NSMAF: variants seen among roughly 807,000 people sequenced by gnomAD.
The protein encoded by NSMAF is neutral sphingomyelinase activation associated factor.
NSMAF carries 90 observed loss-of-function variants against 134.9 expected under a neutral mutation model. That is an observed-to-expected ratio of 0.67 (90% confidence interval 0.56 to 0.79). The LOEUF is 0.79. NSMAF is among the 30% of genes least tolerant of loss of function. The pLI, the probability that NSMAF is intolerant of heterozygous loss-of-function variation, is 0.00. For synonymous variants in NSMAF, 358 were observed against 389.6 expected (o/e 0.92, Z 0.96); for missense variants, 1,010 against 1,119.0 (o/e 0.90, Z 1.39).
intron 1 of NSMAF, 77 bp downstream of exon 1, chr8:58,659,496 T>C: frequency 6.7e-7 from 1 of 1,492,246 alleles, no homozygotes; most frequent in Non-Finnish European, 8.9e-7. Context: ...CTCCCGTCCC[T>C]CAGATCTCCG....
chr8:58,620,561 T>A (rs1171445384), intron 9 of NSMAF, among the ~76,000 whole-genome samples: 1 of 152,204 alleles, frequency 6.6e-6, no homozygotes, highest in African/African-American at 2.4e-5. Flanking sequence ...CACTTTCTCT[T>A]GGCAATATGA....
chr8:58,587,420 T>A (rs1472153184), intron 27 of NSMAF, among the ~76,000 whole-genome samples, 198 bp downstream of exon 27: 5 of 152,138 alleles, frequency 3.3e-5, no homozygotes, highest in African/African-American at 4.8e-5. Flanking sequence ...AAGAAGTAAC[T>A]TGGAGAAAAA....
rs570638402 is a variant in NSMAF at position 58,588,797 on chromosome 8, A to G, written c.2211+655T>C. ...GCACGGACCGGAGAGAGCTAACTTG[A>G]CATTTTCTAATTAACTATAATCAAC... is the stretch of plus-strand genomic sequence containing the variant. On this transcript the variant is annotated intron_variant, in intron 26 of 30. Transcript: ENST00000038176. 6 of 945,446 alleles carry G rather than the reference A, an allele frequency of 6.3e-6. No homozygotes were observed. The East Asian group carries it at 7.1e-5, about 11-fold the overall frequency. 58.6% of individuals were successfully genotyped at this position (945,446 alleles called of 1,614,324 possible).
intron 11 of NSMAF, among the ~76,000 whole-genome samples, chr8:58,606,250 G>C (rs548246896): frequency 6.6e-6 from 1 of 151,960 alleles, no homozygotes; most frequent in South Asian, 2.1e-4. Flanking sequence ...AATGTTTTGA[G>C]AACAAGATAG....
Position 58,587,666 on chromosome 8 carries a change from G to T in NSMAF, c.2247C>A (p.Thr749=). 1 of 1,614,134 alleles carries T rather than the reference G, an allele frequency of 6.2e-7. No individual in the cohort carries two copies. The highest frequency in any genetic ancestry group is 1.1e-5 in the South Asian group (1 of 91,084). ...CCAGCAAGTCAAAGTGGTGTCTTTT[G>T]GTGCCTGGCATCTCTGCAGGAACAC... The part of the protein sequence containing the change: ...WSGVPAEMPG[T]KRHHFDLLAE... The change falls in exon 27 of 31, where the codon ACC becomes ACA. Residue 749 remains threonine, a synonymous_variant. Coordinates refer to ENST00000038176, the MANE Select transcript of NSMAF (RefSeq NM_003580.4).
intron 26 of NSMAF, 127 bp from the exon 27 acceptor site, chr8:58,587,828 C>G: frequency 1.3e-6 from 1 of 745,356 alleles, no homozygotes; most frequent in Admixed American, 2.3e-5. Context: ...TTAAGCTGCA[C>G]AGTGCTCCAG....
intron 19 of NSMAF, among the ~76,000 whole-genome samples, chr8:58,598,957 C>T (rs1207601419): frequency 6.6e-6 from 1 of 152,074 alleles, no homozygotes; most frequent in Non-Finnish European, 1.5e-5. Context: ...ACCAGGGAGT[C>T]GGAGGTTGCA....
rs1341969759 is a variant in NSMAF at position 58,584,168 on chromosome 8, A to G, written c.2692T>C (p.Cys898Arg). 2 of 1,613,666 alleles carry G rather than the reference A, an allele frequency of 1.2e-6. No individual in the cohort carries two copies. Among genetic ancestry groups the G allele is most frequent in the Admixed American group, 1.7e-5 (1 of 59,988 alleles). The change falls in exon 31 of 31, where the codon TGT becomes CGT. Residue 898 changes from cysteine (C) to arginine (R), a missense_variant. By Grantham distance (180) the Cys-to-Arg change is radical. Transcript: ENST00000038176. ...AVTCIWMNEQ[C>R]SSIITGGEDR... ...TCCCCTCCTGTGATGATACTGCTAC[A>G]CTGTTCATTCATCCATATACATGTC... is the stretch of plus-strand genomic sequence containing the variant.
chr8:58,635,875 G>A (rs79270027), intron 2 of NSMAF, among the ~76,000 whole-genome samples: 11,558 of 152,202 alleles, frequency 0.076, 521 homozygotes, highest in African/African-American at 0.11. Flanking sequence ...CTTACAGACT[G>A]AGAATGCCTA....
At chr8:58,647,632 T>G (rs1000886087) in intron 1 of NSMAF, among the ~76,000 whole-genome samples, 1 of 152,162 alleles carries the variant, frequency 6.6e-6, no homozygotes, top group African/African-American at 2.4e-5. Context: ...TAAAAGGGTC[T>G]GGGAACTTCC....
chr8:58,659,364 C>G, intron 1 of NSMAF: 1 of 1,525,104 alleles, frequency 6.6e-7, no homozygotes, highest in Non-Finnish European at 8.8e-7. Flanking sequence ...CTGTCCCCGG[C>G]AGGCTCCGGC....
intron 1 of NSMAF, among the ~76,000 whole-genome samples, chr8:58,658,052 C>A (rs1341698028): frequency 6.6e-6 from 1 of 152,176 alleles, no homozygotes; most frequent in Non-Finnish European, 1.5e-5. Context: ...CCCTGTATAT[C>A]AAAAAGGCCA....
intron 1 of NSMAF, among the ~76,000 whole-genome samples, chr8:58,647,785 C>G (rs898838472): frequency 2.0e-5 from 3 of 152,182 alleles, no homozygotes; most frequent in African/African-American, 7.2e-5. Flanking sequence ...GAACCATGAG[C>G]CAACTAAGCC....
At chr8:58,602,638 A>G (rs1021318131) in intron 13 of NSMAF, among the ~76,000 whole-genome samples, 27 of 152,196 alleles carry the variant, frequency 1.8e-4, no homozygotes, top group African/African-American at 5.8e-4. Context: ...GTCAAGAGGA[A>G]CTAACTGTTC....
At chr8:58,606,489 C>T (rs1246746376) in intron 11 of NSMAF, among the ~76,000 whole-genome samples, 2 of 152,166 alleles carry the variant, frequency 1.3e-5, no homozygotes, top group African/African-American at 4.8e-5. Context: ...GATCACCGCT[C>T]ACTGCAGCCT....
In NSMAF at chr8:58,644,703, T is replaced by C. The variant is rs149317377; in HGVS notation, c.60-1630A>G. 0.016 allele frequency among the ~76,000 whole-genome samples: 2,434 copies of C among 152,264 alleles called. 185 individuals are homozygous for C. The East Asian group carries it at 0.23, about 14-fold the overall frequency. ...CGGCACTGTTCACAATAGCAAAGACTTGGAACCAACCCAAATGCCCATCAA... is the reference window on the plus strand; with the variant it reads ...CGGCACTGTTCACAATAGCAAAGACCTGGAACCAACCCAAATGCCCATCAA... On this transcript the variant is annotated intron_variant, in intron 1 of 30. Transcript: ENST00000038176.
intron 1 of NSMAF, among the ~76,000 whole-genome samples, chr8:58,651,936 T>A (rs1807593778): frequency 6.6e-6 from 1 of 152,184 alleles, no homozygotes; most frequent in South Asian, 2.1e-4. Flanking sequence ...GATATCTACA[T>A]AAAACAGGCT....
At position 58,603,218 on chromosome 8, in the gene NSMAF, G is replaced by A. The variant is rs1377878832; in HGVS notation, c.1037C>T (p.Ser346Leu). The change falls in exon 13 of 31, where the codon TCA (serine) becomes TTA (leucine). Residue 346 changes from serine (S) to leucine (L), a missense_variant. Physicochemically the swap from Ser to Leu is moderately radical, Grantham distance 145 (BLOSUM62 -2). Coordinates refer to ENST00000038176, the MANE Select transcript of NSMAF (RefSeq NM_003580.4). ...CCACGTGTGGCAGTTACCTAGTTCT[G>A]AGCTGGAATAATCATGTATTATCCA... is the stretch of plus-strand genomic sequence containing the variant. ...FPWIIHDYSSSELDLSNPGTF... is the reference protein window; with the variant it reads ...FPWIIHDYSSLELDLSNPGTF... 1 of 1,614,038 alleles carries A rather than the reference G, an allele frequency of 6.2e-7. No homozygotes were observed. The highest frequency in any genetic ancestry group is 1.3e-5 in the African/African-American group (1 of 74,928).
chr8:58,623,459 T>C (rs1256292690), intron 7 of NSMAF, 35 bp from the exon 8 acceptor site: 3 of 1,592,966 alleles, frequency 1.9e-6, no homozygotes, highest in Admixed American at 1.7e-5. Flanking sequence ...ATTTATTTTT[T>C]CTCTCAGATG....
Sources: gnomAD v4.1 joint callset for allele counts (sites outside exome capture counted in the v4.1 genomes callset) on GRCh38, gnomAD v4.1.1 for gene constraint, MANE v1.5 for transcripts, NCBI Gene and HGNC (gene_info 2026-07-23, HGNC 2026-07-21) for gene names.